RB1: variants seen among roughly 807,000 people sequenced by gnomAD.
The protein encoded by RB1 is RB transcriptional corepressor 1.
RB1 carries 18 observed loss-of-function variants against 135.4 expected under a neutral mutation model. The observed-to-expected ratio is 0.13, with a 90% CI of 0.09 to 0.20. The LOEUF (loss-of-function observed/expected upper bound fraction) is 0.20, where lower values mean the gene tolerates loss of function less well. RB1 is among the 10% of genes least tolerant of loss of function. RB1 has a pLI of 1.00. For missense variants in RB1, 868 were observed against 1,110.0 expected (o/e 0.78, Z 3.10); for synonymous variants, 365 against 373.2 (o/e 0.98, Z 0.25).
At chr13:48,332,733 T>A (rs2138070542) in intron 2 of RB1, among the ~76,000 whole-genome samples, 1 of 152,320 alleles carries the variant, frequency 6.6e-6, no homozygotes, top group South Asian at 2.1e-4. Context: ...GGTGACTATG[T>A]GAAGTGATAG....
intron 17 of RB1, among the ~76,000 whole-genome samples, chr13:48,381,699 G>A (rs564844143): frequency 1.2e-4 from 18 of 151,634 alleles, no homozygotes; most frequent in Non-Finnish European, 2.5e-4. Context: ...AAAACAAAAC[G>A]GATTTTTTTT....
At chr13:48,353,309 A>G (rs962300141) in intron 6 of RB1, among the ~76,000 whole-genome samples, 1 of 152,160 alleles carries the variant, frequency 6.6e-6, no homozygotes, top group African/African-American at 2.4e-5. Context: ...AGTGGCTTCT[A>G]TAAGCAACTA....
intron 2 of RB1, among the ~76,000 whole-genome samples, chr13:48,308,006 C>G (rs1170185742): frequency 2.0e-5 from 3 of 151,468 alleles, no homozygotes; most frequent in Admixed American, 6.6e-5. Flanking sequence ...ATTTTTATAC[C>G]TTCTAATATG....
chr13:48,345,206 T>G lies in RB1; in HGVS notation c.500+7T>G. On this transcript the variant is annotated splice_region_variant and intron_variant, in intron 4 of 26. Transcript: ENST00000267163. ...TCTTCAGCAAATTGGAAAGGTAAAG[T>G]AAACATTTTATTAGGTTTACACTCT... 6.2e-7 allele frequency: 1 copy of G among 1,610,856 alleles called. No individual in the cohort carries two copies. The highest frequency in any genetic ancestry group is 8.5e-7 in the Non-Finnish European group (1 of 1,178,814).
chr13:48,327,262 G>A (rs562773762), intron 2 of RB1, among the ~76,000 whole-genome samples: 1 of 151,996 alleles, frequency 6.6e-6, no homozygotes, highest in South Asian at 2.1e-4. Context: ...TAAATTTTTG[G>A]TGGTGGTTTG....
At chr13:48,306,865 A>G (rs542899591) in intron 1 of RB1, among the ~76,000 whole-genome samples, 1 of 152,344 alleles carries the variant, frequency 6.6e-6, no homozygotes, top group East Asian at 1.9e-4. Context: ...AGATATATGA[A>G]ACATTGATAA....
rs146904170 is a variant in RB1, at chr13:48,385,747, G to C, written c.1695+4304G>C. On this transcript the variant is annotated intron_variant, in intron 17 of 26. Coordinates refer to ENST00000267163, the MANE Select transcript of RB1 (RefSeq NM_000321.3). ...GAGTTGCTGCCCAATAAACAGAACA[G>C]TTCAAGTTAAGCAAAGATAATTGCT... Among the ~76,000 whole-genome samples, 846 of 152,264 alleles carry C rather than the reference G, an allele frequency of 5.6e-3. 5 individuals are homozygous for C. Among genetic ancestry groups the C allele is most frequent in the Middle Eastern group, 0.01 (3 of 294 alleles).
chr13:48,349,091 C>A (rs1952524159), intron 6 of RB1, 68 bp downstream of exon 6: 1 of 1,481,668 alleles, frequency 6.7e-7, no homozygotes, highest in Non-Finnish European at 9.2e-7. Flanking sequence ...TTCCTTTGGA[C>A]TAAATTCCCC....
chr13:48,412,043 TAG>T, intron 17 of RB1: 1 of 1,613,540 alleles, frequency 6.2e-7, no homozygotes, highest in East Asian at 2.2e-5. Flanking sequence ...TTTTGGTTCT[TAG>T]AGTCTTTGAC....
rs528431847 is a variant in RB1 at position 48,367,331 on chromosome 13, C to T, written c.940-163C>T. On this transcript the variant is annotated intron_variant, in intron 9 of 26. Transcript: ENST00000267163. ...GAACAAATGTTGCAATTTTCTGTAC[C>T]TCACTTTTAGATAGACCTTATTTAT... 3.4e-4 allele frequency among the ~76,000 whole-genome samples: 52 copies of T among 152,086 alleles called. 1 individual carries two copies. The highest frequency in any genetic ancestry group is 1.2e-3 in the African/African-American group (48 of 41,478).
intron 2 of RB1, among the ~76,000 whole-genome samples, chr13:48,338,663 C>A (rs935523938): frequency 6.6e-6 from 1 of 152,226 alleles, no homozygotes. Context: ...TCATCTGAAG[C>A]CTTCTTCTTT....
intron 17 of RB1, among the ~76,000 whole-genome samples, chr13:48,423,810 T>C (rs1949042654): frequency 6.6e-6 from 1 of 152,206 alleles, no homozygotes; most frequent in Non-Finnish European, 1.5e-5. Context: ...CTCTAGAGGC[T>C]GAGACAAGAG....
At chr13:48,335,837 C>G (rs910450552) in intron 2 of RB1, among the ~76,000 whole-genome samples, 1 of 151,946 alleles carries the variant, frequency 6.6e-6, no homozygotes, top group Admixed American at 6.6e-5. Context: ...AAAGAGGAAT[C>G]AGGCTGGAAA....
At chr13:48,370,861 G>A (rs1224940323) in intron 11 of RB1, among the ~76,000 whole-genome samples, 2 of 152,188 alleles carry the variant, frequency 1.3e-5, no homozygotes, top group Non-Finnish European at 2.9e-5. Context: ...CTCTAACTCT[G>A]CCTCGGGCTT....
chr13:48,347,847 A>G lies in RB1; in HGVS notation c.523A>G (p.Thr175Ala), dbSNP rs1952511833. The change falls in exon 5 of 27, where the codon ACA becomes GCA. Residue 175 changes from threonine to alanine, a missense_variant. Physicochemically the swap from Thr to Ala is moderately conservative, Grantham distance 58 (BLOSUM62 0). Transcript: ENST00000267163. ...LERTCELIYL[T>A]QPSSSISTEI... ...CAGGACATGTGAACTTATATATTTG[A>G]CACAACCCAGCAGTTCGTAAGTAGT... 6.3e-7 allele frequency: 1 copy of G among 1,594,756 alleles called. No individual in the cohort carries two copies. Among genetic ancestry groups the G allele is most frequent in the Non-Finnish European group, 8.6e-7 (1 of 1,163,652 alleles).
At chr13:48,441,328 T>A (rs1949234708) in intron 17 of RB1, among the ~76,000 whole-genome samples, 1 of 152,226 alleles carries the variant, frequency 6.6e-6, no homozygotes, top group East Asian at 1.9e-4. Context: ...AAGACCCTTA[T>A]GTTACCTTTA....
intron 17 of RB1, among the ~76,000 whole-genome samples, chr13:48,442,767 T>C (rs1949250698): frequency 6.6e-6 from 1 of 152,210 alleles, no homozygotes; most frequent in Non-Finnish European, 1.5e-5. Flanking sequence ...GACCCAATTT[T>C]AGAAATCTTG....
At chr13:48,341,503 T>C (rs1210923204) in intron 2 of RB1, among the ~76,000 whole-genome samples, 1 of 152,074 alleles carries the variant, frequency 6.6e-6, no homozygotes, top group Non-Finnish European at 1.5e-5. Flanking sequence ...TTTTCCAAAA[T>C]GATTGTGCCA....
At chr13:48,430,068 T>C (rs1053198989) in intron 17 of RB1, among the ~76,000 whole-genome samples, 5 of 152,238 alleles carry the variant, frequency 3.3e-5, no homozygotes, top group Non-Finnish European at 5.9e-5. Flanking sequence ...AGCAGTTTCA[T>C]TTCTAAGAAA....
Sources: gnomAD v4.1 joint callset for allele counts (sites outside exome capture counted in the v4.1 genomes callset) on GRCh38, gnomAD v4.1.1 for gene constraint, MANE v1.5 for transcripts, NCBI Gene and HGNC (gene_info 2026-07-23, HGNC 2026-07-21) for gene names.